The following HEPHL1 variants were observed in gnomAD, a reference collection of about 807,000 sequenced individuals.
HEPHL1 encodes the protein hephaestin like 1.
Under a neutral mutation model 122.0 loss-of-function variants are expected in HEPHL1, and 123 were observed. The ratio of observed to expected loss-of-function variants is 1.01; its 90% CI spans 0.87 to 1.17. The LOEUF (loss-of-function observed/expected upper bound fraction) is 1.17. HEPHL1 is among the 50% of genes most tolerant of loss of function. The pLI is 0.00. For synonymous variants in HEPHL1, 527 were observed against 508.9 expected, an observed-to-expected ratio of 1.04 and a Z score of -0.48; for missense variants, 1,452 against 1,430.5, an observed-to-expected ratio of 1.01 and a Z score of -0.24.
intron 16 of HEPHL1, 62 bp downstream of exon 16, chr11:94,104,812 G>A (rs1946396327): frequency 5.6e-6 from 7 of 1,260,038 alleles, no homozygotes; most frequent in Admixed American, 4.0e-5. Flanking sequence ...TCCTGTAAAT[G>A]TAGGAGGCTC....
chr11:94,060,092 TTATATATATATATATATATATATATATA>T (rs1164147552), intron 2 of HEPHL1, among the ~76,000 whole-genome samples: 1 of 2,608 alleles, frequency 3.8e-4, no homozygotes, highest in African/African-American at 4.3e-4. Flanking sequence ...TCATATTTTA[TTATATATATATATATATATATATATATA>T]TATATATATA....
chr11:94,069,193 A>G (rs908751), intron 5 of HEPHL1, among the ~76,000 whole-genome samples: 140,767 of 152,222 alleles, frequency 0.92, 66,070 homozygotes, highest in East Asian at 1. Context: ...GACATAAGCT[A>G]GTATTTATAC....
chr11:94,032,407 G>C (rs548785774), intron 1 of HEPHL1, among the ~76,000 whole-genome samples: 2 of 152,164 alleles, frequency 1.3e-5, no homozygotes, highest in South Asian at 2.1e-4. Flanking sequence ...GCTAGACAGC[G>C]GGAGTGATAA....
Position 94,079,285 on chromosome 11 carries a change from A to T in HEPHL1, c.1717-3133A>T, listed in dbSNP as rs1591480356. On this transcript the variant is annotated intron_variant, in intron 9 of 19. Transcript: ENST00000315765. ...TTGCTCCAGGCTTCACAGTGGGTGA[A>T]CAGAAGAATAGCATTAGAACCTAGG... Among the ~76,000 whole-genome samples, 4 of 152,192 alleles carry T rather than the reference A, an allele frequency of 2.6e-5. No individual in the cohort carries two copies. In the East Asian group the frequency reaches 7.7e-4, roughly 29 times the overall value.
rs1946179265 is a variant in HEPHL1, at chr11:94,082,496, C to T, written c.1795C>T (p.Gln599Ter). 1.2e-6 allele frequency: 2 copies of T among 1,613,052 alleles called. No homozygotes were observed. The highest frequency in any genetic ancestry group is 1.7e-6 in the Non-Finnish European group (2 of 1,179,212). The change falls in exon 10 of 20, where the codon CAG becomes TAG. Residue 599 changes from glutamine to a stop codon, truncating the protein, a stop_gained. Transcript: ENST00000315765. LOFTEE classifies it high-confidence loss of function. ...GAGCAGATATTTTGATGAAAACATT[C>T]AGAAGTTTATCTGGCATCCCTTCAG... The part of the protein sequence containing the change: ...NLSRYFDENI[Q>*]KFIWHPFSID...
intron 16 of HEPHL1, 132 bp from the exon 17 acceptor site, chr11:94,105,858 AG>A (rs1410414570): frequency 3.8e-6 from 2 of 527,776 alleles, no homozygotes; most frequent in Non-Finnish European, 3.2e-6. Context: ...GGACACTGCT[AG>A]GGGTGAGTGA....
chr11:94,094,015 A>ATATAT (rs1565360572), intron 13 of HEPHL1, among the ~76,000 whole-genome samples: 1 of 74,600 alleles, frequency 1.3e-5, no homozygotes, highest in Non-Finnish European at 2.7e-5. Context: ...TATATATATA[A>ATATAT]AACTTTAAGT....
chr11:94,102,943 C>T lies in HEPHL1; in HGVS notation c.2605C>T (p.Pro869Ser). 1 of 1,599,986 alleles carries T rather than the reference C, an allele frequency of 6.3e-7. No homozygotes were observed. Among genetic ancestry groups the T allele is most frequent in the Non-Finnish European group, 8.6e-7 (1 of 1,167,708 alleles). The change falls in exon 15 of 20, where the codon CCT becomes TCT. Residue 869 changes from proline to serine, a missense_variant. Physicochemically the swap from Pro to Ser is moderately conservative, Grantham distance 74 (BLOSUM62 -1). Coordinates refer to ENST00000315765, the MANE Select transcript of HEPHL1 (RefSeq NM_001098672.2). ...AGTAAAAACTTATAGATGGAATATCCCTAAAAGATCCGGTCCAGGGCCTTC... is the reference window on the plus strand; with the variant it reads ...AGTAAAAACTTATAGATGGAATATCTCTAAAAGATCCGGTCCAGGGCCTTC... ...GEVKTYRWNI[P>S]KRSGPGPSDP... is the part of the protein sequence containing the mutation.
chr11:94,091,793 A>G (rs1946265168), intron 12 of HEPHL1, among the ~76,000 whole-genome samples: 1 of 152,164 alleles, frequency 6.6e-6, no homozygotes, highest in African/African-American at 2.4e-5. Flanking sequence ...CCACTTGAAG[A>G]GGAAGGAAGC....
chr11:94,083,404 T>C (rs972028789), intron 10 of HEPHL1, among the ~76,000 whole-genome samples: 14 of 152,176 alleles, frequency 9.2e-5, no homozygotes, highest in African/African-American at 3.4e-4. Flanking sequence ...CACCTGCTAA[T>C]TGCTTGTGAG....
chr11:94,109,592 A>T (rs1420445924), intron 17 of HEPHL1, among the ~76,000 whole-genome samples: 2 of 152,188 alleles, frequency 1.3e-5, no homozygotes, highest in Non-Finnish European at 2.9e-5. Context: ...TTCTGCATCT[A>T]TTGAGATGAT....
intron 5 of HEPHL1, among the ~76,000 whole-genome samples, chr11:94,068,092 CTG>C (rs1946048785): frequency 6.6e-6 from 1 of 152,154 alleles, no homozygotes; most frequent in South Asian, 2.1e-4. Flanking sequence ...AGTCACTACT[CTG>C]GAGCAATCAG....
At chr11:94,093,004 CCTT>C (rs1253068583) in intron 12 of HEPHL1, among the ~76,000 whole-genome samples, 1 of 152,030 alleles carries the variant, frequency 6.6e-6, no homozygotes, top group African/African-American at 2.4e-5. Context: ...TGACTATGGT[CCTT>C]CTTGAGATCC....
intron 4 of HEPHL1, among the ~76,000 whole-genome samples, chr11:94,065,803 C>G (rs927424185): frequency 6.6e-5 from 10 of 152,170 alleles, no homozygotes; most frequent in African/African-American, 1.9e-4. Context: ...CAAATAATTC[C>G]TCTTACTCTG....
chr11:94,094,150 G>A (rs1946289172), intron 13 of HEPHL1, among the ~76,000 whole-genome samples: 2 of 150,766 alleles, frequency 1.3e-5, no homozygotes, highest in South Asian at 4.2e-4. Context: ...CCTCACCCCT[G>A]CCCCTACCCC....
chr11:94,063,451 G>C (rs977370283), intron 2 of HEPHL1, 57 bp from the exon 3 acceptor site: 7 of 1,352,544 alleles, frequency 5.2e-6, no homozygotes, highest in Non-Finnish European at 2.1e-6. Context: ...ACTATAGCAT[G>C]TGATCTCTCT....
intron 2 of HEPHL1, among the ~76,000 whole-genome samples, chr11:94,057,853 G>C (rs551788396): frequency 1.8e-3 from 279 of 151,720 alleles, no homozygotes; most frequent in African/African-American, 6.4e-3. Context: ...TATTTTTGTT[G>C]TTCTTGAAAA....
chr11:94,083,505 A>C (rs1039836389), intron 10 of HEPHL1, among the ~76,000 whole-genome samples: 7 of 152,202 alleles, frequency 4.6e-5, no homozygotes, highest in African/African-American at 1.7e-4. Context: ...TGTGCAGTCA[A>C]TAAAAGTGCC....
At chr11:94,068,546 T>C (rs990512871) in intron 5 of HEPHL1, among the ~76,000 whole-genome samples, 1 of 152,180 alleles carries the variant, frequency 6.6e-6, no homozygotes, top group African/African-American at 2.4e-5. Context: ...TGGACCATAA[T>C]GTTCCTTACA....
Sources: allele counts gnomAD v4.1 joint callset (sites outside exome capture counted in the v4.1 genomes callset), GRCh38; gene constraint gnomAD v4.1.1; transcripts MANE v1.5; gene names NCBI Gene and HGNC (gene_info 2026-07-23, HGNC 2026-07-21).